Variants in VWC2L observed in about 807,000 individuals in gnomAD.
VWC2L encodes von Willebrand factor C domain containing 2 like, also known as von Willebrand factor C domain-containing protein 2-like.
In VWC2L, 10 loss-of-function variants were observed where a neutral mutation model predicts 21.6. The ratio of observed to expected loss-of-function variants is 0.46; its 90% CI spans 0.29 to 0.78. VWC2L has a LOEUF of 0.78. Ranked by LOEUF, VWC2L falls within the 30% of genes least tolerant of loss-of-function variation. The pLI is 0.10. For missense variants in VWC2L, 209 were observed against 277.1 expected (o/e 0.75, Z 1.74); for synonymous variants, 96 against 94.3 (o/e 1.02, Z -0.10).
intron 3 of VWC2L, among the ~76,000 whole-genome samples, chr2:214,567,469 G>A (rs1003558308): frequency 6.6e-6 from 1 of 151,860 alleles, no homozygotes; most frequent in South Asian, 2.1e-4. Context: ...AGAGCTACTC[G>A]AGAGGCTGTT....
At chr2:214,446,712 G>C (rs997508036) in intron 3 of VWC2L, among the ~76,000 whole-genome samples, 7 of 152,070 alleles carry the variant, frequency 4.6e-5, no homozygotes, top group Admixed American at 4.6e-4. Context: ...GTTGAGTCCA[G>C]TCCCCCCACA....
intron 1 of VWC2L, among the ~76,000 whole-genome samples, chr2:214,413,670 AT>A (rs1205642901): frequency 1.3e-5 from 2 of 152,212 alleles, no homozygotes; most frequent in South Asian, 2.1e-4. Context: ...TTAGAATTAG[AT>A]TTTTTTCTCA....
intron 3 of VWC2L, among the ~76,000 whole-genome samples, chr2:214,451,163 G>A (rs1702947541): frequency 6.6e-6 from 1 of 151,920 alleles, no homozygotes; most frequent in Admixed American, 6.6e-5. Context: ...AGAAAATTTG[G>A]GACTGGGACC....
chr2:214,450,306 A>G (rs1702934389), intron 3 of VWC2L, among the ~76,000 whole-genome samples: 2 of 152,174 alleles, frequency 1.3e-5, no homozygotes. Flanking sequence ...TGAGTGAAGT[A>G]ATCAGCCCCC....
chr2:214,554,778 T>C (rs1294885201), intron 3 of VWC2L, among the ~76,000 whole-genome samples: 1 of 152,168 alleles, frequency 6.6e-6, no homozygotes, highest in African/African-American at 2.4e-5. Flanking sequence ...AGCAATAAGA[T>C]ACCAAATTCC....
intron 3 of VWC2L, among the ~76,000 whole-genome samples, chr2:214,485,108 G>A (rs746740193): frequency 6.6e-6 from 1 of 152,096 alleles, no homozygotes; most frequent in Non-Finnish European, 1.5e-5. Context: ...TTTGAGGTCA[G>A]GAGTTTGAGA....
intron 3 of VWC2L, among the ~76,000 whole-genome samples, chr2:214,499,614 G>A (rs1401390721): frequency 6.6e-6 from 1 of 152,036 alleles, no homozygotes; most frequent in Admixed American, 6.6e-5. Flanking sequence ...TACCAAACCT[G>A]CACGTTGTGC....
At chr2:214,560,416 G>T (rs544995743) in intron 3 of VWC2L, among the ~76,000 whole-genome samples, 144 of 152,296 alleles carry the variant, frequency 9.5e-4, no homozygotes, top group African/African-American at 3.3e-3. Flanking sequence ...TTGTTGACAA[G>T]TGTACTCCAT....
intron 3 of VWC2L, among the ~76,000 whole-genome samples, chr2:214,482,173 G>A (rs1688612050): frequency 6.6e-6 from 1 of 152,128 alleles, no homozygotes. Context: ...CCAAATAGGA[G>A]TCTATGTACT....
chr2:214,414,783 C>A, intron 2 of VWC2L, 200 bp downstream of exon 2: 1 of 611,320 alleles, frequency 1.6e-6, no homozygotes, highest in Admixed American at 3.4e-5. Flanking sequence ...TTAAGTTGCA[C>A]AATAACCTTT....
intron 2 of VWC2L, among the ~76,000 whole-genome samples, chr2:214,422,828 G>T (rs1702462983): frequency 6.6e-6 from 1 of 152,102 alleles, no homozygotes; most frequent in Admixed American, 6.5e-5. Context: ...TCCTGAAAAA[G>T]TTTTCAGATG....
intron 3 of VWC2L, among the ~76,000 whole-genome samples, chr2:214,467,239 C>T (rs1574580681): frequency 6.6e-6 from 1 of 152,186 alleles, no homozygotes; most frequent in East Asian, 1.9e-4. Context: ...GTCCTATACC[C>T]TGTTGGTTCG....
chr2:214,575,811 G>A lies in VWC2L; in HGVS notation c.660G>A (p.Gln220=). ...QCSKRECQGK[Q]TV ...CGAAACGTGAATGCCAAGGCAAGCA[G>A]ACTGTGTAGGACAAACTTCCACCCA... The change falls in exon 4 of 4, where the codon CAG becomes CAA. Residue 220 remains glutamine, a synonymous_variant. Coordinates refer to ENST00000312504, the MANE Select transcript of VWC2L (RefSeq NM_001080500.4). 1 of 1,612,458 alleles carries A rather than the reference G, an allele frequency of 6.2e-7. No homozygotes were observed. The highest frequency in any genetic ancestry group is 8.5e-7 in the Non-Finnish European group (1 of 1,178,742).
intron 3 of VWC2L, among the ~76,000 whole-genome samples, chr2:214,516,607 G>A (rs906732623): frequency 2.6e-5 from 4 of 151,110 alleles, no homozygotes; most frequent in African/African-American, 9.7e-5. Flanking sequence ...ATTATGCATA[G>A]CTTATCGTTA....
chr2:214,438,411 C>T (rs1702714132), intron 3 of VWC2L, among the ~76,000 whole-genome samples: 1 of 151,238 alleles, frequency 6.6e-6, no homozygotes, highest in Non-Finnish European at 1.5e-5. Context: ...CTTTTTTTCC[C>T]CTGGAAGCAA....
intron 3 of VWC2L, among the ~76,000 whole-genome samples, chr2:214,508,630 T>C (rs1689004722): frequency 6.6e-6 from 1 of 152,180 alleles, no homozygotes. Context: ...CTTTTCCCCA[T>C]ATTTTCCTTT....
rs191957540 is a variant in VWC2L at position 214,572,251 on chromosome 2, G to A, written c.521-3421G>A. Among the ~76,000 whole-genome samples, 574 of 152,294 alleles carry A rather than the reference G, an allele frequency of 3.8e-3. 7 individuals are homozygous for A. Among genetic ancestry groups the A allele is most frequent in the African/African-American group, 0.013 (547 of 41,568 alleles). On this transcript the variant is annotated intron_variant, in intron 3 of 3. Transcript: ENST00000312504. ...CTCTTATTCTAGACCCCAGAAGGAG[G>A]AGAGAACAGTTGTTCACCATTTTTT... is the stretch of plus-strand genomic sequence containing the variant.
At chr2:214,493,084 C>G (rs1440450710) in intron 3 of VWC2L, among the ~76,000 whole-genome samples, 1 of 152,138 alleles carries the variant, frequency 6.6e-6, no homozygotes, top group East Asian at 1.9e-4. Flanking sequence ...ATGGGGTACA[C>G]CTGCATATGT....
chr2:214,495,763 T>A (rs757576983), intron 3 of VWC2L, among the ~76,000 whole-genome samples: 3 of 152,142 alleles, frequency 2.0e-5, no homozygotes, highest in Non-Finnish European at 2.9e-5. Flanking sequence ...GCACTAAAAC[T>A]TTCACTCTCA....
Sources: allele counts gnomAD v4.1 joint callset (sites outside exome capture counted in the v4.1 genomes callset), GRCh38; gene constraint gnomAD v4.1.1; transcripts MANE v1.5; gene names NCBI Gene and HGNC (gene_info 2026-07-23, HGNC 2026-07-21).